Variants in INSR observed in about 807,000 individuals in gnomAD.
INSR encodes IR.
INSR carries 67 observed loss-of-function variants against 142.6 expected under a neutral mutation model. That is an observed-to-expected ratio of 0.47 (90% CI 0.39 to 0.58). INSR has a LOEUF of 0.58. INSR is among the 20% of genes least tolerant of loss of function. The pLI is 0.00. For synonymous variants in INSR, 756 were observed against 743.1 expected (o/e 1.02, Z -0.28); for missense variants, 1,248 against 1,833.2 (o/e 0.68, Z 5.83).
chr19:7,155,103 G>T (rs1226641786), intron 9 of INSR, among the ~76,000 whole-genome samples: 1 of 152,040 alleles, frequency 6.6e-6, no homozygotes, highest in Admixed American at 6.6e-5. Context: ...TTTCATGAAG[G>T]GGTCTCAAAG....
intron 10 of INSR, among the ~76,000 whole-genome samples, chr19:7,151,198 TTC>T (rs1973346793): frequency 1.8e-5 from 2 of 109,672 alleles, no homozygotes; most frequent in African/African-American, 6.1e-5. Flanking sequence ...CTTTCTTTCT[TTC>T]TTTCTTTCTT....
intron 1 of INSR, among the ~76,000 whole-genome samples, chr19:7,274,664 A>G (rs1363047235): frequency 2.6e-5 from 4 of 151,564 alleles, no homozygotes; most frequent in African/African-American, 9.7e-5. Context: ...ATAGCTGGGC[A>G]TGGTGGCAGG....
chr19:7,193,776 G>A (rs921482680), intron 2 of INSR, among the ~76,000 whole-genome samples: 2 of 151,862 alleles, frequency 1.3e-5, no homozygotes, highest in African/African-American at 2.4e-5. Context: ...CGTAACCTCC[G>A]CCTCCCAGGT....
intron 1 of INSR, among the ~76,000 whole-genome samples, chr19:7,270,522 T>TGA (rs1396357371): frequency 6.6e-6 from 1 of 151,774 alleles, no homozygotes; most frequent in Non-Finnish European, 1.5e-5. Flanking sequence ...GAGGCCACAG[T>TGA]GAGAGGATCG....
intron 1 of INSR, among the ~76,000 whole-genome samples, chr19:7,291,512 C>A (rs528700971): frequency 6.6e-6 from 1 of 152,326 alleles, no homozygotes; most frequent in South Asian, 2.1e-4. Context: ...CCCAGGAACT[C>A]CACCACTTGT....
At chr19:7,132,052 G>T in intron 14 of INSR, 106 bp downstream of exon 14, 1 of 1,416,010 alleles carries the variant, frequency 7.1e-7, no homozygotes, top group Non-Finnish European at 1.0e-6. Flanking sequence ...TGAGAGTCAA[G>T]GCCAGGGCCA....
chr19:7,142,913 G>A lies in INSR; in HGVS notation c.2445C>T (p.Phe815=), dbSNP rs761189808. 6.2e-7 allele frequency: 1 copy of A among 1,614,162 alleles called. No homozygotes were observed. Among genetic ancestry groups the A allele is most frequent in the Non-Finnish European group, 8.5e-7 (1 of 1,180,032 alleles). The change falls in exon 12 of 22, where the codon TTC becomes TTT. Residue 815 remains phenylalanine, a synonymous_variant. Transcript: ENST00000302850. ...CCTGCAGCTCGATGCGATAGCCCGT[G>A]AAGTGTCGCAAGCCGGAGATGACCA... ...ESLVISGLRH[F]TGYRIELQAC...
chr19:7,177,726 T>TTA (rs398033817), intron 3 of INSR, among the ~76,000 whole-genome samples: 1 of 139,712 alleles, frequency 7.2e-6, no homozygotes, highest in East Asian at 2.0e-4. Context: ...TTTTTTTTTT[T>TTA]AGTAGAAACA....
intron 2 of INSR, among the ~76,000 whole-genome samples, chr19:7,238,910 A>C (rs550951140): frequency 1.2e-4 from 17 of 147,068 alleles, no homozygotes; most frequent in Admixed American, 3.6e-4. Flanking sequence ...AGCGTTAGTT[A>C]CAATGGCCAG....
intron 2 of INSR, among the ~76,000 whole-genome samples, chr19:7,195,822 T>C (rs750273238): frequency 2.8e-4 from 43 of 151,922 alleles, no homozygotes; most frequent in Non-Finnish European, 5.6e-4. Flanking sequence ...AGACAACAGA[T>C]AAGATTATAG....
chr19:7,289,524 G>C (rs541921221), intron 1 of INSR, among the ~76,000 whole-genome samples: 7 of 150,386 alleles, frequency 4.7e-5, no homozygotes, highest in African/African-American at 1.7e-4. Context: ...TCCTGCCTCA[G>C]CCTCCCAAGT....
intron 12 of INSR, 133 bp downstream of exon 12, chr19:7,142,683 G>C (rs553815056): frequency 1.3e-4 from 145 of 1,109,368 alleles, no homozygotes; most frequent in Admixed American, 5.6e-4. Flanking sequence ...ACAGAGCAAG[G>C]CTCCGTCTCA....
At chr19:7,142,389 C>CAAAAAAAAAAAAAAAAAAAAAAA (rs34453877) in intron 12 of INSR, among the ~76,000 whole-genome samples, 1 of 42,148 alleles carries the variant, frequency 2.4e-5, no homozygotes, top group African/African-American at 1.0e-4. Flanking sequence ...GACTTCATCT[C>CAAAAAAAAAAAAAAAAAAAAAAA]AAAAAAAAAA....
At chr19:7,185,407 C>T (rs1426016802) in intron 2 of INSR, among the ~76,000 whole-genome samples, 1 of 152,158 alleles carries the variant, frequency 6.6e-6, no homozygotes, top group Non-Finnish European at 1.5e-5. Flanking sequence ...GGTTAAGTAA[C>T]TTGCCCCCAA....
intron 19 of INSR, 107 bp from the exon 20 acceptor site, chr19:7,120,856 C>A (rs541076178): frequency 7.0e-5 from 99 of 1,419,098 alleles, no homozygotes; most frequent in Non-Finnish European, 9.4e-5. Context: ...GTTCACCTGG[C>A]CCACGTCTGC....
At chr19:7,184,670 AT>A in intron 2 of INSR, 33 bp from the exon 3 acceptor site, 1 of 805,400 alleles carries the variant, frequency 1.2e-6, no homozygotes. Flanking sequence ...AGGGAAATAA[AT>A]AAATAAATAA....
chr19:7,145,546 G>A (rs934746629), intron 11 of INSR, among the ~76,000 whole-genome samples: 10 of 152,160 alleles, frequency 6.6e-5, no homozygotes, highest in Admixed American at 1.3e-4. Flanking sequence ...AAATTTTCCC[G>A]TAAAGGGCTA....
rs746000108 is a variant in INSR, at chr19:7,117,396, C to T, written c.3809G>A (p.Arg1270His). The change falls in exon 22 of 22, where the codon CGC becomes CAC. Residue 1270 changes from arginine (R) to histidine (H), a missense_variant. Coordinates refer to ENST00000302850, the MANE Select transcript of INSR (RefSeq NM_000208.4). Reference sequence around the variant, plus strand: ...CTTGGGGTTGAATTGCCAGCACATGCGCATGAGGTCAGTGCTGCGGGGCAG... The same window carrying T: ...CTTGGGGTTGAATTGCCAGCACATGTGCATGAGGTCAGTGCTGCGGGGCAG... ...NCPERVTDLM[R>H]MCWQFNPKMR... 51 of 1,613,676 alleles carry T rather than the reference C, an allele frequency of 3.2e-5. No homozygotes were observed. The East Asian group carries it at 3.3e-4, about 11-fold the overall frequency.
At chr19:7,212,472 G>A (rs1397127910) in intron 2 of INSR, among the ~76,000 whole-genome samples, 1 of 152,218 alleles carries the variant, frequency 6.6e-6, no homozygotes, top group Admixed American at 6.5e-5. Context: ...CTGAGGGTCT[G>A]CCATGTTTTG....
Sources: allele counts gnomAD v4.1 joint callset (sites outside exome capture counted in the v4.1 genomes callset), GRCh38; gene constraint gnomAD v4.1.1; transcripts MANE v1.5; gene names NCBI Gene and HGNC (gene_info 2026-07-23, HGNC 2026-07-21).